TTLL4: variants seen among roughly 807,000 people sequenced by gnomAD.
TTLL4 encodes tubulin tyrosine ligase like 4.
Under a neutral mutation model 122.7 loss-of-function variants are expected in TTLL4, and 85 were observed. The observed-to-expected ratio is 0.69, with a 90% confidence interval of 0.58 to 0.83. The LOEUF (loss-of-function observed/expected upper bound fraction) is 0.83, where lower values mean the gene tolerates loss of function less well. TTLL4 is among the 40% of genes least tolerant of loss of function. The pLI, the probability that TTLL4 is intolerant of heterozygous loss-of-function variation, is 0.00. For synonymous variants in TTLL4, 553 were observed against 563.0 expected, an observed-to-expected ratio of 0.98 and a Z score of 0.25; for missense variants, 1,363 against 1,488.6, an observed-to-expected ratio of 0.92 and a Z score of 1.39.
chr2:218,711,328 T>C (rs1203263638), intron 1 of TTLL4, among the ~76,000 whole-genome samples: 2 of 152,240 alleles, frequency 1.3e-5, no homozygotes, highest in South Asian at 2.1e-4. Flanking sequence ...CCCCTAGTTA[T>C]GGCCTCCGAG....
At position 218,750,028 on chromosome 2, in the gene TTLL4, C is replaced by G. The variant is rs1252164568; in HGVS notation, c.2755C>G (p.Leu919Val). Residue 919 changes from leucine (L) to valine (V), a missense_variant, in exon 15 of 20, where the codon CTG becomes GTG. Transcript: ENST00000392102. ...ISPSLHSSSP[L>V]DISIKGQMIR... ...CTGAAGCCTCCACTCCAGCTCTCCA[C>G]TGGATATCAGCATCAAAGGCCAGAT... 6.2e-7 allele frequency: 1 copy of G among 1,613,996 alleles called. No homozygotes were observed. Among genetic ancestry groups the G allele is most frequent in the South Asian group, 1.1e-5 (1 of 91,084 alleles).
At chr2:218,722,271 GA>G (rs922438636) in intron 1 of TTLL4, among the ~76,000 whole-genome samples, 2 of 151,174 alleles carry the variant, frequency 1.3e-5, no homozygotes, top group Admixed American at 6.6e-5. Context: ...AAAATTGTAG[GA>G]AAAGGTATAC....
chr2:218,744,831 G>A (rs1043471273), intron 5 of TTLL4, among the ~76,000 whole-genome samples: 2 of 152,146 alleles, frequency 1.3e-5, no homozygotes, highest in Non-Finnish European at 2.9e-5. Context: ...GACTTTCCCA[G>A]CCAATGTCTT....
At chr2:218,756,654 A>C (rs958472811), downstream of TTLL4, among the ~76,000 whole-genome samples, 7 of 152,204 alleles carry the variant, frequency 4.6e-5, no homozygotes, top group African/African-American at 1.7e-4. Context: ...TTTGAGAAGG[A>C]ATGAGATTTT....
intron 1 of TTLL4, among the ~76,000 whole-genome samples, chr2:218,719,643 A>G (rs1197275971): frequency 6.6e-6 from 1 of 152,068 alleles, no homozygotes; most frequent in Non-Finnish European, 1.5e-5. Flanking sequence ...CTCACATGAC[A>G]GTCATCTGGA....
In TTLL4 at chr2:218,754,290, G is replaced by A. The variant is rs762943397; in HGVS notation, c.3501G>A (p.Gln1167=). 3 of 1,614,050 alleles carry A rather than the reference G, an allele frequency of 1.9e-6. No individual in the cohort carries two copies. In the African/African-American group the frequency reaches 4.0e-5, roughly 22 times the overall value. ...DTSKEPSLST[Q]TLPVIKCSGQ... ...GCAAAGAGCCCAGCCTTTCTACCCAGACGTTACCTGTGATCAAGTGCTCTG... is the reference window on the plus strand; with the variant it reads ...GCAAAGAGCCCAGCCTTTCTACCCAAACGTTACCTGTGATCAAGTGCTCTG... Residue 1167 remains glutamine (Q), a synonymous_variant, in exon 20 of 20, where the codon CAG becomes CAA. Transcript: ENST00000392102.
intron 15 of TTLL4, among the ~76,000 whole-genome samples, chr2:218,750,971 T>C (rs1942999891): frequency 6.6e-6 from 1 of 152,194 alleles, no homozygotes; most frequent in African/African-American, 2.4e-5. Context: ...AAAAACCCTA[T>C]AACTTACCCT....
intron 1 of TTLL4, among the ~76,000 whole-genome samples, chr2:218,721,266 T>TG (rs1342940123): frequency 6.6e-6 from 1 of 151,920 alleles, no homozygotes; most frequent in East Asian, 1.9e-4. Context: ...AATTAAGAGG[T>TG]GGGGTTCTGC....
intron 19 of TTLL4, 103 bp downstream of exon 19, chr2:218,753,772 G>T (rs1332137225): frequency 7.7e-7 from 1 of 1,305,734 alleles, no homozygotes; most frequent in Non-Finnish European, 1.1e-6. Context: ...GCATTCTCCA[G>T]CTGGGGGTTG....
At position 218,747,242 on chromosome 2, in the gene TTLL4, A is replaced by G. The variant is rs55921417; in HGVS notation, c.2166+48A>G. 262 of 1,614,034 alleles carry G rather than the reference A, an allele frequency of 1.6e-4. No individual in the cohort carries two copies. The highest frequency in any genetic ancestry group is 2.1e-4 in the Non-Finnish European group (249 of 1,180,006). ...GAGACTATGGTCTGTGAGTGGGAAC[A>G]ACAGAGTATTGGACCTGGAGCAAAT... On this transcript the variant is annotated intron_variant, in intron 9 of 19. Transcript: ENST00000392102. The surrounding 1 kb of genome is among the most constrained non-coding windows in gnomAD (Gnocchi z 4.7).
chr2:218,748,698 G>T, intron 12 of TTLL4, 138 bp from the exon 13 acceptor site: 5 of 575,138 alleles, frequency 8.7e-6, no homozygotes, highest in South Asian at 2.5e-5. Context: ...TTGCATCCAA[G>T]TTCATCTCTT....
In TTLL4 at chr2:218,741,353, C is replaced by G. The variant is rs1168538929; in HGVS notation, c.1661+769C>G. 2.6e-5 allele frequency among the ~76,000 whole-genome samples: 4 copies of G among 152,234 alleles called. No homozygotes were observed. The East Asian group carries it at 7.7e-4, about 29-fold the overall frequency. ...ACTTTTAATTAAAACCTGTATATCA[C>G]TGGGCTTGACCAATATATGGAGCAC... On this transcript the variant is annotated intron_variant, in intron 5 of 19. Transcript: ENST00000392102.
rs1489231499 is a variant in TTLL4, at chr2:218,738,413, A to G, written c.737A>G (p.Lys246Arg). 5.0e-6 allele frequency: 8 copies of G among 1,614,028 alleles called. No homozygotes were observed. In the Admixed American group the frequency reaches 8.3e-5, roughly 17 times the overall value. The change falls in exon 3 of 20, where the codon AAG becomes AGG. Residue 246 changes from lysine to arginine, a missense_variant. Physicochemically the swap from Lys to Arg is conservative, Grantham distance 26. This residue lies in a region of TTLL4 where 760 missense variants were observed against 808.4 expected (regional missense o/e 0.94). Transcript: ENST00000392102. Reference sequence around the variant, plus strand: ...GGCCTGAAGCCAGTATCGCCACCCAAGATCCAGCCTGTCTCCTGGCATCAT... The same window carrying G: ...GGCCTGAAGCCAGTATCGCCACCCAGGATCCAGCCTGTCTCCTGGCATCAT... The part of the protein sequence containing the change: ...TQGLKPVSPP[K>R]IQPVSWHHSG...
rs374634917 is a variant in TTLL4 at position 218,738,930 on chromosome 2, T to C, written c.1254T>C (p.Arg418=). Residue 418 remains arginine (R), a synonymous_variant, in exon 3 of 20, where the codon CGT becomes CGC. Transcript: ENST00000392102. ...GLDNTVFCTK[R]ISIHLLASHA... ...ACAATACAGTCTTCTGTACCAAGCG[T>C]ATCAGCATTCACCTCCTTGCCTCAC... 1 of 1,614,100 alleles carries C rather than the reference T, an allele frequency of 6.2e-7. No homozygotes were observed. The highest frequency in any genetic ancestry group is 8.5e-7 in the Non-Finnish European group (1 of 1,180,050).
At chr2:218,754,021 G>T (rs1943095749) in intron 19 of TTLL4, 113 bp from the exon 20 acceptor site, 16 of 1,450,970 alleles carry the variant, frequency 1.1e-5, no homozygotes, top group Non-Finnish European at 1.4e-5. Flanking sequence ...TGTAATTTTG[G>T]CCTACAACAC....
In TTLL4 at chr2:218,747,905, G is replaced by A. The variant is rs1420626896; in HGVS notation, c.2378+180G>A. On this transcript the variant is annotated intron_variant, in intron 11 of 19. Coordinates refer to ENST00000392102, the MANE Select transcript of TTLL4 (RefSeq NM_014640.5). This position sits in a 1 kb window ranked among gnomAD's most constrained non-coding sequence, Gnocchi z 4.7. ...TCTGGGGAGGGTCTTCCTGCATGCG[G>A]GACTGAGGTGGGATAAAGGAGATGA... 16 of 1,119,366 alleles carry A rather than the reference G, an allele frequency of 1.4e-5. No individual in the cohort carries two copies. The highest frequency in any genetic ancestry group is 2.0e-5 in the Non-Finnish European group (16 of 789,886). 69.3% of individuals were successfully genotyped at this position (1,119,366 alleles called of 1,614,324 possible). A position where few individuals can be genotyped will look rare whatever the true frequency, so the allele number is the denominator to read the frequency against.
chr2:218,755,774 C>G (rs953937444), downstream of TTLL4, among the ~76,000 whole-genome samples: 1 of 152,196 alleles, frequency 6.6e-6, no homozygotes, highest in Admixed American at 6.5e-5. Context: ...CCCATTCTCT[C>G]TGAGCTTTGG....
Position 218,732,020 on chromosome 2 carries a change from T to C in TTLL4, c.-99+4673T>C, listed in dbSNP as rs576934270. On this transcript the variant is annotated intron_variant, in intron 2 of 19. Coordinates refer to ENST00000392102, the MANE Select transcript of TTLL4 (RefSeq NM_014640.5). ...ATCATTGCTCCATAAAATGTTAGAT[T>C]ATTCAAAATATCATTTTTCAGGTGA... Among the ~76,000 whole-genome samples, 62 of 152,338 alleles carry C rather than the reference T, an allele frequency of 4.1e-4. 1 individual carries two copies. The South Asian group carries it at 0.012, about 30-fold the overall frequency.
rs372876552 is a variant in TTLL4, at chr2:218,746,152, T to C, written c.1898-3T>C. On this transcript the variant is annotated splice_region_variant and splice_polypyrimidine_tract_variant and intron_variant, in intron 7 of 19. Coordinates refer to ENST00000392102, the MANE Select transcript of TTLL4 (RefSeq NM_014640.5). ...AGGCTGATTCCTGATGTACCTCCCA[T>C]AGGAAACGATGACTGGCTGGGCTGC... The C allele has an allele frequency of 6.6e-5, 106 of 1,614,018 alleles. No individual in the cohort carries two copies. The highest frequency in any genetic ancestry group is 1.3e-5 in the Non-Finnish European group (15 of 1,180,044).
Sources: allele counts gnomAD v4.1 joint callset (sites outside exome capture counted in the v4.1 genomes callset), GRCh38; gene constraint gnomAD v4.1.1; regional missense constraint gnomAD v4.1.1; non-coding constraint Gnocchi (gnomAD v3.1); transcripts MANE v1.5; gene names NCBI Gene and HGNC (gene_info 2026-07-23, HGNC 2026-07-21).